The following ANKMY1 variants were observed in gnomAD, a reference collection of about 807,000 sequenced individuals.
ANKMY1 encodes the protein ankyrin repeat and MYND domain-containing protein 1.
In ANKMY1, 98 loss-of-function variants were observed where a neutral mutation model predicts 102.0. That is an observed-to-expected ratio of 0.96 (90% CI 0.82 to 1.14). ANKMY1 has a LOEUF of 1.14. ANKMY1 is among the 50% of genes most tolerant of loss of function. The pLI is 0.00. For synonymous variants in ANKMY1, 582 were observed against 559.9 expected (o/e 1.04, Z -0.56); for missense variants, 1,330 against 1,347.6 (o/e 0.99, Z 0.20).
intron 2 of ANKMY1, among the ~76,000 whole-genome samples, chr2:240,555,733 C>T (rs550396035): frequency 6.6e-5 from 10 of 151,770 alleles, no homozygotes; most frequent in Non-Finnish European, 1.3e-4. Flanking sequence ...CCATCACAGA[C>T]GGACGTGGCA....
intron 3 of ANKMY1, chr2:240,554,607 C>T (rs1236948919): frequency 1.1e-5 from 5 of 447,452 alleles, no homozygotes; most frequent in East Asian, 1.0e-4. Context: ...AATTTTAAAA[C>T]GTCTGCCCAG....
chr2:240,524,287 T>C lies in ANKMY1; in HGVS notation c.1430A>G (p.Gln477Arg). The C allele has an allele frequency of 6.2e-7, 1 of 1,613,774 alleles. No homozygotes were observed. Among genetic ancestry groups the C allele is most frequent in the Non-Finnish European group, 8.5e-7 (1 of 1,180,022 alleles). ...CGGTGGCCTCAGCTCATAGCTACCCTGGGAAGGCACGTTCACCTCATAGTA... is the reference window on the plus strand; with the variant it reads ...CGGTGGCCTCAGCTCATAGCTACCCCGGGAAGGCACGTTCACCTCATAGTA... ...SLYYEVNVPS[Q>R]GSYELRPPPA... Residue 477 changes from glutamine (Q) to arginine (R), a missense_variant, in exon 8 of 18, where the codon CAG becomes CGG. Coordinates refer to ENST00000401804, the MANE Select transcript of ANKMY1 (RefSeq NM_001282771.3).
At position 240,500,024 on chromosome 2, in the gene ANKMY1, G is replaced by T. The variant is rs768979407; in HGVS notation, c.2740C>A (p.Leu914Ile). The part of the protein sequence containing the change: ...KRLLEYMGLQ[L>I]RQAVFAKESQ... ...TCCTTGGCAAAGACAGCCTGCCGTA[G>T]CTGCAAGCCCATGTACTCCAGGAGC... The change falls in exon 15 of 18, where the codon CTA becomes ATA. Residue 914 changes from leucine (L) to isoleucine (I), a missense_variant. Physicochemically the swap from Leu to Ile is conservative, Grantham distance 5 (BLOSUM62 2). Coordinates refer to ENST00000401804, the MANE Select transcript of ANKMY1 (RefSeq NM_001282771.3). 1.9e-6 allele frequency: 3 copies of T among 1,613,090 alleles called. No homozygotes were observed. Among genetic ancestry groups the T allele is most frequent in the Non-Finnish European group, 2.5e-6 (3 of 1,179,822 alleles).
chr2:240,551,080 C>T (rs903211093), intron 4 of ANKMY1, among the ~76,000 whole-genome samples: 4 of 151,904 alleles, frequency 2.6e-5, no homozygotes, highest in Admixed American at 2.0e-4. Context: ...ATAAACATTG[C>T]TCACCCAATA....
intron 2 of ANKMY1, among the ~76,000 whole-genome samples, chr2:240,556,121 T>G (rs1340754547): frequency 6.6e-6 from 1 of 152,054 alleles, no homozygotes; most frequent in Non-Finnish European, 1.5e-5. Flanking sequence ...GGTACACTCA[T>G]CCCATCATGG....
intron 5 of ANKMY1, chr2:240,528,010 CG>C (rs1423180691): frequency 6.6e-6 from 1 of 152,178 alleles, no homozygotes; most frequent in East Asian, 1.9e-4. Context: ...ACACTTCAAC[CG>C]GGCACGGTGG....
intron 9 of ANKMY1, among the ~76,000 whole-genome samples, chr2:240,519,308 T>C (rs2152306892): frequency 6.6e-6 from 1 of 152,276 alleles, no homozygotes; most frequent in South Asian, 2.1e-4. Context: ...GAGAAATGAT[T>C]GTAGGGTCCT....
chr2:240,520,853 C>G lies in ANKMY1; in HGVS notation c.1833-320G>C, dbSNP rs1208952181. ...ACAAGCCACACCAGAGCGCACACAC[C>G]ATAGCACAGCGCACACCACACAGTA... On this transcript the variant is annotated intron_variant, in intron 8 of 17. Transcript: ENST00000401804. This position sits in a 1 kb window ranked among gnomAD's most constrained non-coding sequence, Gnocchi z 4.8. 1.3e-5 allele frequency among the ~76,000 whole-genome samples: 2 copies of G among 151,330 alleles called. No homozygotes were observed. The highest frequency in any genetic ancestry group is 2.9e-5 in the Non-Finnish European group (2 of 67,834).
Position 240,479,646 on chromosome 2 carries a change from A to C in ANKMY1, c.3056T>G (p.Leu1019Arg). The C allele has an allele frequency of 6.2e-7, 1 of 1,613,598 alleles. No individual in the cohort carries two copies. The highest frequency in any genetic ancestry group is 8.5e-7 in the Non-Finnish European group (1 of 1,179,930). ...TTCTCTCCTCCTGGAAACTTGCTCC[A>C]GTTGTGTCACTGGAGGAGGAAAAGG... ...CGDLVAIVTQ[L>R]EQVSRRREEF... The change falls in exon 18 of 18, where the codon CTG (leucine) becomes CGG (arginine). Residue 1019 changes from leucine to arginine, a missense_variant. By Grantham distance (102) the Leu-to-Arg change is moderately radical (BLOSUM62 -2). Transcript: ENST00000401804.
chr2:240,552,043 C>T (rs555776395), intron 4 of ANKMY1, among the ~76,000 whole-genome samples: 1 of 152,324 alleles, frequency 6.6e-6, no homozygotes, highest in South Asian at 2.1e-4. Context: ...TGCTTCCTCA[C>T]CCCTCCCAAG....
At chr2:240,498,108 G>C (rs953524792) in intron 15 of ANKMY1, among the ~76,000 whole-genome samples, 23 of 152,124 alleles carry the variant, frequency 1.5e-4, no homozygotes, top group Non-Finnish European at 7.3e-5. Context: ...CAGCAAAGGT[G>C]CATTCATGTG....
intron 15 of ANKMY1, among the ~76,000 whole-genome samples, chr2:240,486,655 G>T (rs2076095880): frequency 6.6e-6 from 1 of 152,140 alleles, no homozygotes; most frequent in Non-Finnish European, 1.5e-5. Context: ...CTAACTCTGA[G>T]CACTTTGTTT....
At chr2:240,535,255 A>C (rs1480351856) in intron 4 of ANKMY1, among the ~76,000 whole-genome samples, 2 of 152,232 alleles carry the variant, frequency 1.3e-5, no homozygotes, top group African/African-American at 4.8e-5. Flanking sequence ...TTAGTTCAGA[A>C]AGGTGGAACA....
chr2:240,484,402 T>C (rs2075801952), intron 15 of ANKMY1, among the ~76,000 whole-genome samples: 1 of 152,150 alleles, frequency 6.6e-6, no homozygotes, highest in South Asian at 2.1e-4. Flanking sequence ...ATGCCATACA[T>C]CTACAACCAT....
intron 9 of ANKMY1, among the ~76,000 whole-genome samples, chr2:240,516,150 G>GGT (rs1299004154): frequency 3.6e-4 from 52 of 145,246 alleles, no homozygotes; most frequent in South Asian, 2.4e-3. Context: ...TTTTTGTGGG[G>GGT]TTTTTTTTTT....
chr2:240,519,570 G>C (rs1174853295), intron 9 of ANKMY1, among the ~76,000 whole-genome samples: 1 of 152,160 alleles, frequency 6.6e-6, no homozygotes, highest in Non-Finnish European at 1.5e-5. Flanking sequence ...TTCCATTCCA[G>C]AGCAGTGGAA....
chr2:240,482,314 C>A, intron 15 of ANKMY1, 53 bp from the exon 16 acceptor site: 1 of 1,541,920 alleles, frequency 6.5e-7, no homozygotes, highest in Non-Finnish European at 8.9e-7. Context: ...TGGGGGCCAC[C>A]ACTGCAGAAG....
At position 240,484,359 on chromosome 2, in the gene ANKMY1, G is replaced by C. The variant is rs1047177544; in HGVS notation, c.2807-2098C>G. Among the ~76,000 whole-genome samples, 5 of 152,266 alleles carry C rather than the reference G, an allele frequency of 3.3e-5. No homozygotes were observed. In the East Asian group the frequency reaches 5.8e-4, roughly 18 times the overall value. ...GTACTGGTACCAAAACAGAGATATAGACCAATGGAACAGAACAGAGGCCTC... is the reference window on the plus strand; with the variant it reads ...GTACTGGTACCAAAACAGAGATATACACCAATGGAACAGAACAGAGGCCTC... On this transcript the variant is annotated intron_variant, in intron 15 of 17. Transcript: ENST00000401804.
At chr2:240,523,737 C>T (rs2082776968) in intron 8 of ANKMY1, 148 bp downstream of exon 8, 1 of 1,317,944 alleles carries the variant, frequency 7.6e-7, no homozygotes, top group African/African-American at 1.5e-5. Context: ...GGCGTGGAGC[C>T]ACCGACACAG....
Sources: gnomAD v4.1 joint callset for allele counts (sites outside exome capture counted in the v4.1 genomes callset) on GRCh38, gnomAD v4.1.1 for gene constraint, Gnocchi (gnomAD v3.1) non-coding constraint, MANE v1.5 for transcripts, NCBI Gene and HGNC (gene_info 2026-07-23, HGNC 2026-07-21) for gene names.